CTNND2: variants seen among roughly 807,000 people sequenced by gnomAD.
CTNND2 encodes the protein catenin delta-2.
Under a neutral mutation model 144.4 loss-of-function variants are expected in CTNND2, and 22 were observed. The ratio of observed to expected loss-of-function variants is 0.15; its 90% CI spans 0.11 to 0.22. CTNND2 has a LOEUF of 0.22. Ranked by LOEUF, CTNND2 falls within the 10% of genes least tolerant of loss-of-function variation. The pLI, the probability that CTNND2 is intolerant of heterozygous loss-of-function variation, is 1.00. For synonymous variants in CTNND2, 751 were observed against 695.6 expected, an observed-to-expected ratio of 1.08 and a Z score of -1.25; for missense variants, 1,353 against 1,618.8, an observed-to-expected ratio of 0.84 and a Z score of 2.82.
At chr5:11,219,175 T>C (rs1739524961) in intron 10 of CTNND2, among the ~76,000 whole-genome samples, 1 of 152,154 alleles carries the variant, frequency 6.6e-6, no homozygotes, top group East Asian at 1.9e-4. Context: ...CTAGAAGTGG[T>C]GGAAGAGTAG....
chr5:11,398,123 T>C (rs951231275), intron 5 of CTNND2, among the ~76,000 whole-genome samples: 22 of 152,116 alleles, frequency 1.4e-4, no homozygotes, highest in African/African-American at 5.3e-4. Flanking sequence ...AACTTGGCAA[T>C]ACAAGTTTTC....
chr5:11,461,944 G>T (rs31946), intron 3 of CTNND2, among the ~76,000 whole-genome samples: 11,290 of 151,980 alleles, frequency 0.074, 1,284 homozygotes, highest in African/African-American at 0.25. Flanking sequence ...AGGTGGTACT[G>T]GATAACCTAG....
At chr5:11,190,733 AGAGTT>A (rs1433969730) in intron 11 of CTNND2, among the ~76,000 whole-genome samples, 11 of 152,226 alleles carry the variant, frequency 7.2e-5, no homozygotes, top group Non-Finnish European at 1.5e-4. Context: ...CAGCACAGGT[AGAGTT>A]GAGTAGTTGT....
At chr5:11,396,925 T>C (rs1282998821) in intron 6 of CTNND2, 106 bp downstream of exon 6, 18 of 1,164,358 alleles carry the variant, frequency 1.5e-5, no homozygotes, top group Non-Finnish European at 1.9e-5. Context: ...GGGACACACC[T>C]ACAAAAAAGG....
intron 9 of CTNND2, among the ~76,000 whole-genome samples, chr5:11,341,059 T>A: frequency 6.6e-6 from 1 of 152,138 alleles, no homozygotes; most frequent in East Asian, 1.9e-4. Flanking sequence ...TACTTGCTGG[T>A]GATGTGTGAA....
chr5:11,573,300 G>A (rs532779876), intron 2 of CTNND2, among the ~76,000 whole-genome samples: 63 of 152,178 alleles, frequency 4.1e-4, no homozygotes, highest in South Asian at 2.1e-4. Flanking sequence ...AGTTCTTGCC[G>A]CCTGGTGTCT....
At chr5:11,229,625 C>T (rs926981839) in intron 10 of CTNND2, among the ~76,000 whole-genome samples, 1 of 151,206 alleles carries the variant, frequency 6.6e-6, no homozygotes, top group Non-Finnish European at 1.5e-5. Flanking sequence ...ATACATATTA[C>T]CTTGAATGCA....
At chr5:11,830,895 T>C (rs1793863671) in intron 1 of CTNND2, among the ~76,000 whole-genome samples, 1 of 152,204 alleles carries the variant, frequency 6.6e-6, no homozygotes, top group South Asian at 2.1e-4. Context: ...TTTTAAAATA[T>C]ATACTTGCAA....
At chr5:11,554,968 AT>A (rs1320859989) in intron 3 of CTNND2, among the ~76,000 whole-genome samples, 4 of 151,680 alleles carry the variant, frequency 2.6e-5, no homozygotes, top group Admixed American at 6.6e-5. Context: ...ACATAAAAAA[AT>A]GAATAATACA....
intron 12 of CTNND2, among the ~76,000 whole-genome samples, chr5:11,141,128 A>C (rs1232623837): frequency 6.6e-6 from 1 of 151,680 alleles, no homozygotes; most frequent in East Asian, 1.9e-4. Flanking sequence ...CTAATTTTTT[A>C]TTTTTTGTAG....
At chr5:11,729,843 C>A (rs1033153760) in intron 2 of CTNND2, among the ~76,000 whole-genome samples, 1 of 152,124 alleles carries the variant, frequency 6.6e-6, no homozygotes, top group Non-Finnish European at 1.5e-5. Flanking sequence ...TCTTACCTAG[C>A]ATACAATATA....
At chr5:11,738,839 T>G (rs545982024) in intron 1 of CTNND2, among the ~76,000 whole-genome samples, 1 of 152,196 alleles carries the variant, frequency 6.6e-6, no homozygotes, top group Admixed American at 6.5e-5. Flanking sequence ...TTAGCTGCCC[T>G]CCCCTCTCTA....
At chr5:11,633,145 G>C (rs1325484555) in intron 2 of CTNND2, among the ~76,000 whole-genome samples, 1 of 152,134 alleles carries the variant, frequency 6.6e-6, no homozygotes, top group Non-Finnish European at 1.5e-5. Context: ...CATCCAAGAA[G>C]CTCAATAACT....
intron 5 of CTNND2, among the ~76,000 whole-genome samples, chr5:11,410,719 T>C (rs1368646972): frequency 2.6e-5 from 4 of 152,166 alleles, no homozygotes; most frequent in African/African-American, 7.2e-5. Context: ...GATGGTTAAA[T>C]ACAGAAATGT....
At chr5:11,143,724 AGCCC>A (rs1756965832) in intron 12 of CTNND2, among the ~76,000 whole-genome samples, 1 of 152,252 alleles carries the variant, frequency 6.6e-6, no homozygotes, top group South Asian at 2.1e-4. Context: ...TACTCAAAAC[AGCCC>A]CTAATAAGGA....
At chr5:11,724,688 T>C (rs58681303) in intron 2 of CTNND2, among the ~76,000 whole-genome samples, 15,768 of 152,248 alleles carry the variant, frequency 0.1, 1,020 homozygotes, top group East Asian at 0.22. Context: ...GAATAGAAGA[T>C]ACGGCAGTGT....
In CTNND2 at chr5:11,086,694, A is replaced by G. The variant is rs1750185746; in HGVS notation, c.2638-3848T>C. Reference sequence around the variant, plus strand: ...TAACAAGGAGAAGTCAGTATCTTTTAACCCTTTAAGGCCAGACTGTCTCAT... The same window carrying G: ...TAACAAGGAGAAGTCAGTATCTTTTGACCCTTTAAGGCCAGACTGTCTCAT... On this transcript the variant is annotated intron_variant, in intron 15 of 21. Transcript: ENST00000304623. Among the ~76,000 whole-genome samples the G allele has an allele frequency of 4.6e-5, 7 of 152,294 alleles. No homozygotes were observed. The South Asian group carries it at 1.5e-3, about 32-fold the overall frequency.
chr5:11,180,193 G>A (rs1405228999), intron 11 of CTNND2, among the ~76,000 whole-genome samples: 1 of 152,114 alleles, frequency 6.6e-6, no homozygotes, highest in Non-Finnish European at 1.5e-5. Context: ...ATGAGATCCA[G>A]TGGTTTTAAA....
At chr5:11,506,716 A>G (rs1236151482) in intron 3 of CTNND2, among the ~76,000 whole-genome samples, 1 of 152,232 alleles carries the variant, frequency 6.6e-6, no homozygotes, top group Non-Finnish European at 1.5e-5. Context: ...TGTAAACACT[A>G]TGAGGCATGC....
Sources: allele counts gnomAD v4.1 joint callset (sites outside exome capture counted in the v4.1 genomes callset), GRCh38; gene constraint gnomAD v4.1.1; transcripts MANE v1.5; gene names NCBI Gene and HGNC (gene_info 2026-07-23, HGNC 2026-07-21).